L3MBTL4: variants seen among roughly 807,000 people sequenced by gnomAD.
L3MBTL4 encodes L3MBTL histone methyl-lysine binding protein 4.
In L3MBTL4, 70 loss-of-function variants were observed where a neutral mutation model predicts 84.5. That is an observed-to-expected ratio of 0.83 (90% CI 0.68 to 1.01). The LOEUF (loss-of-function observed/expected upper bound fraction) is 1.01, where lower values mean the gene tolerates loss of function less well. Ranked by LOEUF, L3MBTL4 falls within the 50% of genes least tolerant of loss-of-function variation. L3MBTL4 has a pLI of 0.00. For synonymous variants in L3MBTL4, 274 were observed against 259.8 expected (o/e 1.05, Z -0.52); for missense variants, 715 against 754.8 (o/e 0.95, Z 0.62).
intron 14 of L3MBTL4, among the ~76,000 whole-genome samples, chr18:6,097,148 G>T (rs577806235): frequency 6.6e-6 from 1 of 152,210 alleles, no homozygotes; most frequent in Admixed American, 6.5e-5. Context: ...TACCAAAAAT[G>T]TCAGCCCCAA....
intron 10 of L3MBTL4, among the ~76,000 whole-genome samples, chr18:6,227,722 T>C (rs74800905): frequency 0.013 from 1,951 of 152,212 alleles, 52 homozygotes; most frequent in African/African-American, 0.045. Flanking sequence ...ATCAATAAAC[T>C]GCAAGGAAAT....
intron 13 of L3MBTL4, among the ~76,000 whole-genome samples, chr18:6,147,716 G>C (rs1205643137): frequency 6.6e-6 from 1 of 152,076 alleles, no homozygotes; most frequent in Non-Finnish European, 1.5e-5. Flanking sequence ...AGTAAGAAAA[G>C]AATGCAGACT....
chr18:6,366,468 G>C (rs534348814), intron 1 of L3MBTL4, among the ~76,000 whole-genome samples: 1 of 152,278 alleles, frequency 6.6e-6, no homozygotes, highest in African/African-American at 2.4e-5. Flanking sequence ...GAATTCTTAA[G>C]ACAGAAAAGT....
chr18:6,039,119 C>T (rs1568019091), intron 16 of L3MBTL4, among the ~76,000 whole-genome samples: 1 of 151,940 alleles, frequency 6.6e-6, no homozygotes, highest in Non-Finnish European at 1.5e-5. Flanking sequence ...TAGTAGTCTA[C>T]AAGCCAAGAG....
At chr18:6,343,366 T>C (rs2052705494) in intron 1 of L3MBTL4, among the ~76,000 whole-genome samples, 1 of 152,124 alleles carries the variant, frequency 6.6e-6, no homozygotes, top group African/African-American at 2.4e-5. Context: ...TTAACAAATT[T>C]AAGAAGTTGT....
intron 16 of L3MBTL4, among the ~76,000 whole-genome samples, chr18:5,972,867 TAGA>T (rs1278116322): frequency 1.7e-4 from 21 of 125,666 alleles, no homozygotes; most frequent in African/African-American, 7.0e-4. Flanking sequence ...TAGTATAGAA[TAGA>T]ATAGAATAGA....
chr18:6,311,822 A>G (rs1022968677), intron 2 of L3MBTL4, among the ~76,000 whole-genome samples, 166 bp from the exon 3 acceptor site: 6 of 152,210 alleles, frequency 3.9e-5, no homozygotes, highest in African/African-American at 1.4e-4. Flanking sequence ...TACTTAATAT[A>G]ATAATAAGAC....
chr18:6,118,593 T>G (rs993112312), intron 14 of L3MBTL4, among the ~76,000 whole-genome samples: 3 of 152,214 alleles, frequency 2.0e-5, no homozygotes, highest in African/African-American at 7.2e-5. Flanking sequence ...ATAAACCATT[T>G]CCAGGTGATA....
intron 4 of L3MBTL4, among the ~76,000 whole-genome samples, chr18:6,280,224 A>G (rs2049266578): frequency 6.6e-6 from 1 of 152,228 alleles, no homozygotes; most frequent in South Asian, 2.1e-4. Context: ...AGCACTGTTT[A>G]AAAGAAAAAT....
At chr18:6,219,527 G>A (rs1334400692) in intron 10 of L3MBTL4, among the ~76,000 whole-genome samples, 2 of 144,356 alleles carry the variant, frequency 1.4e-5, no homozygotes, top group African/African-American at 5.0e-5. Context: ...GTGGGCATGG[G>A]TGGCTGAACC....
At chr18:6,332,482 T>TA (rs2052090608) in intron 1 of L3MBTL4, among the ~76,000 whole-genome samples, 1 of 152,162 alleles carries the variant, frequency 6.6e-6, no homozygotes, top group Non-Finnish European at 1.5e-5. Context: ...GCCCATTCAA[T>TA]AAAATTTACC....
chr18:6,307,308 G>A (rs1472341668), intron 3 of L3MBTL4, among the ~76,000 whole-genome samples: 3 of 151,426 alleles, frequency 2.0e-5, no homozygotes, highest in Admixed American at 1.3e-4. Flanking sequence ...GTGGTGGTGC[G>A]CACCTGTAGT....
At chr18:6,388,957 G>A (rs2054934314) in intron 1 of L3MBTL4, among the ~76,000 whole-genome samples, 1 of 152,054 alleles carries the variant, frequency 6.6e-6, no homozygotes, top group Non-Finnish European at 1.5e-5. Context: ...GAAAAGAGGT[G>A]GTCTCTAGGG....
chr18:6,236,482 A>G (rs1273587890), intron 10 of L3MBTL4, among the ~76,000 whole-genome samples: 2 of 152,166 alleles, frequency 1.3e-5, no homozygotes, highest in African/African-American at 4.8e-5. Context: ...AGACTTACAC[A>G]CTGAGCCTAT....
intron 1 of L3MBTL4, chr18:6,326,420 GAACT>G (rs1238781472): frequency 6.6e-6 from 1 of 152,236 alleles, no homozygotes; most frequent in Admixed American, 6.5e-5. Flanking sequence ...TGGAATGAGT[GAACT>G]AACTAATTTA....
At position 5,991,009 on chromosome 18, in the gene L3MBTL4, G is replaced by A. The variant is rs144487417; in HGVS notation, c.1445-21447C>T. On this transcript the variant is annotated intron_variant, in intron 16 of 18. Transcript: ENST00000317931. ...CTCTTGCCCAGTCCACCTTGTTTCCGTGTCCTGACCACAGCAGGCCTCCTC... is the reference window on the plus strand; with the variant it reads ...CTCTTGCCCAGTCCACCTTGTTTCCATGTCCTGACCACAGCAGGCCTCCTC... Among the ~76,000 whole-genome samples, 431 of 152,060 alleles carry A rather than the reference G, an allele frequency of 2.8e-3. 1 individual carries two copies. The highest frequency in any genetic ancestry group is 1.0e-2 in the African/African-American group (413 of 41,454).
intron 4 of L3MBTL4, among the ~76,000 whole-genome samples, chr18:6,271,343 C>T (rs2048859575): frequency 6.6e-6 from 1 of 151,992 alleles, no homozygotes; most frequent in Non-Finnish European, 1.5e-5. Context: ...TCACTTTGTA[C>T]ACACTAAAGT....
At chr18:6,360,996 C>G (rs1295936913) in intron 1 of L3MBTL4, among the ~76,000 whole-genome samples, 1 of 133,788 alleles carries the variant, frequency 7.5e-6, no homozygotes, top group African/African-American at 2.9e-5. Context: ...CCAGCCTAGG[C>G]AAGAGAATAA....
rs772446202 is a variant in L3MBTL4 at position 6,371,414 on chromosome 18, G to C, written c.-91+43387C>G. On this transcript the variant is annotated intron_variant, in intron 1 of 18. Coordinates refer to ENST00000317931, the MANE Select transcript of L3MBTL4 (RefSeq NM_001330559.2). Reference sequence around the variant, plus strand: ...GGTTACTCTGTAAGCGAGACCCTGCGGGGAGAGCCTCTCAGAGGAAGCTAA... The same window carrying C: ...GGTTACTCTGTAAGCGAGACCCTGCCGGGAGAGCCTCTCAGAGGAAGCTAA... 2.0e-5 allele frequency among the ~76,000 whole-genome samples: 3 copies of C among 152,166 alleles called. No individual in the cohort carries two copies. In the East Asian group the frequency reaches 5.8e-4, roughly 29 times the overall value.
Sources: gnomAD v4.1 joint callset for allele counts (sites outside exome capture counted in the v4.1 genomes callset) on GRCh38, gnomAD v4.1.1 for gene constraint, MANE v1.5 for transcripts, NCBI Gene and HGNC (gene_info 2026-07-23, HGNC 2026-07-21) for gene names.